The following ARHGAP20 variants were observed in gnomAD, a reference collection of about 807,000 sequenced individuals.
ARHGAP20 encodes rho GTPase-activating protein 20.
Under a neutral mutation model 73.7 loss-of-function variants are expected in ARHGAP20, and 34 were observed. That is an observed-to-expected ratio of 0.46 (90% CI 0.35 to 0.61). The LOEUF is 0.61. Ranked by LOEUF, ARHGAP20 falls within the 20% of genes least tolerant of loss-of-function variation. The pLI, the probability that ARHGAP20 is intolerant of heterozygous loss-of-function variation, is 0.00. For synonymous variants in ARHGAP20, 523 were observed against 518.2 expected (o/e 1.01, Z -0.13); for missense variants, 1,314 against 1,420.9 (o/e 0.92, Z 1.21).
intron 2 of ARHGAP20, among the ~76,000 whole-genome samples, chr11:110,636,396 C>T (rs1283174996): frequency 6.6e-6 from 1 of 151,902 alleles, no homozygotes; most frequent in African/African-American, 2.4e-5. Flanking sequence ...TATTATTTTG[C>T]TTGGGGTTGG....
At chr11:110,629,792 G>A (rs1948822718) in intron 3 of ARHGAP20, among the ~76,000 whole-genome samples, 1 of 152,214 alleles carries the variant, frequency 6.6e-6, no homozygotes, top group African/African-American at 2.4e-5. Context: ...AGTGAGCTTG[G>A]AAGTAGATTC....
chr11:110,582,550 A>C (rs1415967430), intron 13 of ARHGAP20, 115 bp from the exon 14 acceptor site: 1 of 652,820 alleles, frequency 1.5e-6, no homozygotes, highest in Non-Finnish European at 2.6e-6. Flanking sequence ...AGAAAAATTC[A>C]TATCGGCTTT....
At chr11:110,639,704 A>G (rs1470509563) in intron 2 of ARHGAP20, among the ~76,000 whole-genome samples, 1 of 151,830 alleles carries the variant, frequency 6.6e-6, no homozygotes, top group East Asian at 1.9e-4. Context: ...CCTTTCATGT[A>G]TGGTTTCTTT....
rs991725543 is a variant in ARHGAP20, at chr11:110,580,851, G to C, written c.2095C>G (p.Arg699Gly). 6.2e-7 allele frequency: 1 copy of C among 1,612,854 alleles called. No homozygotes were observed. The highest frequency in any genetic ancestry group is 1.3e-5 in the African/African-American group (1 of 74,852). Residue 699 changes from arginine to glycine, a missense_variant, in exon 15 of 15, where the codon CGA becomes GGA. Coordinates refer to ENST00000683387, the MANE Select transcript of ARHGAP20 (RefSeq NM_001384657.1). ...CTGGGCTCTGAGCAACGCCGGTGTC[G>C]CCTCAGGCTTTTTGCAGCATTTGCT... is the stretch of plus-strand genomic sequence containing the variant. The part of the protein sequence containing the change: ...AAANAAKSLR[R>G]HRRCSEPSID...
chr11:110,706,309 G>T (rs184905506), intron 1 of ARHGAP20, among the ~76,000 whole-genome samples: 2 of 152,200 alleles, frequency 1.3e-5, no homozygotes, highest in East Asian at 3.9e-4. Flanking sequence ...CTACACTGAA[G>T]CCTTGATATG....
At chr11:110,670,489 A>G (rs1565469374) in intron 2 of ARHGAP20, among the ~76,000 whole-genome samples, 1 of 152,126 alleles carries the variant, frequency 6.6e-6, no homozygotes, top group African/African-American at 2.4e-5. Flanking sequence ...ACATTCCTTG[A>G]AAGACACAAA....
intron 7 of ARHGAP20, among the ~76,000 whole-genome samples, chr11:110,610,041 T>C (rs1005818505): frequency 1.3e-5 from 2 of 152,086 alleles, no homozygotes; most frequent in Non-Finnish European, 2.9e-5. Context: ...CTGAGGAGAT[T>C]AATAATTTTA....
chr11:110,711,961 G>C lies in ARHGAP20; in HGVS notation c.105+166C>G, dbSNP rs1394329500. On this transcript the variant is annotated intron_variant, in intron 1 of 14. Transcript: ENST00000683387. ...GGAGGCGGCGGCGCTGCCGCTGGCCGTCAAGGGCGGGAAGTGTTCTGGGAC... is the reference window on the plus strand; with the variant it reads ...GGAGGCGGCGGCGCTGCCGCTGGCCCTCAAGGGCGGGAAGTGTTCTGGGAC... 1.2e-5 allele frequency: 15 copies of C among 1,252,898 alleles called. No homozygotes were observed. The South Asian group carries it at 3.1e-4, about 26-fold the overall frequency. 77.6% of individuals were successfully genotyped at this position (1,252,898 alleles called of 1,614,324 possible).
At position 110,583,634 on chromosome 11, in the gene ARHGAP20, A is replaced by G; in HGVS notation, c.1519T>C (p.Phe507Leu). The G allele has an allele frequency of 6.2e-7, 1 of 1,613,490 alleles. No individual in the cohort carries two copies. The highest frequency in any genetic ancestry group is 8.5e-7 in the Non-Finnish European group (1 of 1,179,584). ...QHSSSNQMTA[F>L]NLAVCVAPSI... is the part of the protein sequence containing the mutation. ...GGAGCGACACACACAGCTAAATTAA[A>G]TGCAGTCATCTGATTGGATGAGGAA... The change falls in exon 13 of 15, where the codon TTT becomes CTT. Residue 507 changes from phenylalanine to leucine, a missense_variant. By Grantham distance (22) the Phe-to-Leu change is conservative (BLOSUM62 0). Coordinates refer to ENST00000683387, the MANE Select transcript of ARHGAP20 (RefSeq NM_001384657.1).
intron 1 of ARHGAP20, among the ~76,000 whole-genome samples, chr11:110,697,004 T>C (rs1347341470): frequency 6.6e-6 from 1 of 151,780 alleles, no homozygotes; most frequent in Non-Finnish European, 1.5e-5. Flanking sequence ...TCCATGACTT[T>C]GCTATTGTGA....
chr11:110,655,317 T>A (rs532309407), intron 2 of ARHGAP20, among the ~76,000 whole-genome samples: 5 of 152,294 alleles, frequency 3.3e-5, no homozygotes, highest in South Asian at 2.1e-4. Flanking sequence ...AGAGTCACTG[T>A]CTTAGAAAGA....
At chr11:110,629,747 G>A (rs1391008711) in intron 3 of ARHGAP20, among the ~76,000 whole-genome samples, 1 of 152,184 alleles carries the variant, frequency 6.6e-6, no homozygotes, top group Non-Finnish European at 1.5e-5. Context: ...CTGGCCACAA[G>A]CCACTGAGTA....
At chr11:110,597,983 T>G (rs1241000259) in intron 9 of ARHGAP20, among the ~76,000 whole-genome samples, 1 of 152,226 alleles carries the variant, frequency 6.6e-6, no homozygotes, top group Admixed American at 6.5e-5. Flanking sequence ...TAAATTCAAG[T>G]AAATCTAGTT....
intron 2 of ARHGAP20, among the ~76,000 whole-genome samples, chr11:110,637,330 G>T (rs1948988835): frequency 6.6e-6 from 1 of 152,004 alleles, no homozygotes; most frequent in African/African-American, 2.4e-5. Flanking sequence ...TAACCTTAAA[G>T]CCTGGTAAAA....
At position 110,578,075 on chromosome 11, in the gene ARHGAP20, C is replaced by T; in HGVS notation, c.*1295G>A. ...CCATTTTTAGTGCCATCCCTGCATACTAGTTGGCAAGGCCTGATAATCTAT... is the reference window on the plus strand; with the variant it reads ...CCATTTTTAGTGCCATCCCTGCATATTAGTTGGCAAGGCCTGATAATCTAT... On this transcript the variant is annotated 3_prime_UTR_variant, in exon 15 of 15. Coordinates refer to ENST00000683387, the MANE Select transcript of ARHGAP20 (RefSeq NM_001384657.1). The T allele has an allele frequency of 1.0e-6, 1 of 985,420 alleles. No individual in the cohort carries two copies. The highest frequency in any genetic ancestry group is 1.7e-5 in the African/African-American group (1 of 57,366). 61.0% of individuals were successfully genotyped at this position (985,420 alleles called of 1,614,324 possible). A position where few individuals can be genotyped will look rare whatever the true frequency, so the allele number is the denominator to read the frequency against.
chr11:110,578,692 GA>G lies in ARHGAP20; in HGVS notation c.*677del, dbSNP rs905160080. 1.0e-6 allele frequency: 1 copy of G among 985,156 alleles called. No individual in the cohort carries two copies. The highest frequency in any genetic ancestry group is 1.7e-5 in the African/African-American group (1 of 57,192). 61.0% of individuals were successfully genotyped at this position (985,156 alleles called of 1,614,324 possible). ...CCTTGCAAAGCACTTCAACATGAATGAAAAAACAAACCGACAAATACAACCA... is the reference window on the plus strand; with the variant it reads ...CCTTGCAAAGCACTTCAACATGAATGAAAAACAAACCGACAAATACAACCA... On this transcript the variant is annotated 3_prime_UTR_variant, in exon 15 of 15. Transcript: ENST00000683387.
intron 2 of ARHGAP20, among the ~76,000 whole-genome samples, chr11:110,645,772 T>C (rs1591133056): frequency 6.6e-6 from 1 of 152,176 alleles, no homozygotes; most frequent in Admixed American, 6.6e-5. Flanking sequence ...ATATTCACTA[T>C]GGAATACTAT....
At chr11:110,636,216 A>G (rs1948964309) in intron 2 of ARHGAP20, among the ~76,000 whole-genome samples, 1 of 152,092 alleles carries the variant, frequency 6.6e-6, no homozygotes, top group Admixed American at 6.6e-5. Context: ...TGTATTGCAA[A>G]GTCAATCATA....
At chr11:110,664,088 G>C (rs998230176) in intron 2 of ARHGAP20, among the ~76,000 whole-genome samples, 1 of 152,092 alleles carries the variant, frequency 6.6e-6, no homozygotes, top group African/African-American at 2.4e-5. Flanking sequence ...AGATATAGAA[G>C]TGAACTTCCT....
Sources: gnomAD v4.1 joint callset for allele counts (sites outside exome capture counted in the v4.1 genomes callset) on GRCh38, gnomAD v4.1.1 for gene constraint, MANE v1.5 for transcripts, NCBI Gene and HGNC (gene_info 2026-07-23, HGNC 2026-07-21) for gene names.